Variants in PTPRN2 observed in about 807,000 individuals in gnomAD.
The protein encoded by PTPRN2 is protein tyrosine phosphatase receptor type N2.
In PTPRN2, 74 loss-of-function variants were observed where a neutral mutation model predicts 118.8. That is an observed-to-expected ratio of 0.62 (90% confidence interval 0.52 to 0.76). The LOEUF (loss-of-function observed/expected upper bound fraction) is 0.76, where lower values mean the gene tolerates loss of function less well. PTPRN2 is among the 30% of genes least tolerant of loss of function. The pLI, the probability that PTPRN2 is intolerant of heterozygous loss-of-function variation, is 0.00. For missense variants in PTPRN2, 1,481 were observed against 1,394.4 expected (o/e 1.06, Z -0.99); for synonymous variants, 641 against 608.0 (o/e 1.05, Z -0.80).
In PTPRN2 at chr7:157,861,005, C is replaced by T. The variant is rs550822307; in HGVS notation, c.1788+37668G>A. On this transcript the variant is annotated intron_variant, in intron 12 of 22. Transcript: ENST00000389418. The surrounding 1 kb of genome is among the most constrained non-coding windows in gnomAD (Gnocchi z 5.8). Reference sequence around the variant, plus strand: ...CAAGAAGAGGATAAAGAAATGTGGCCCAGTCCAGGGAGCTGTGGAGAGGTG... The same window carrying T: ...CAAGAAGAGGATAAAGAAATGTGGCTCAGTCCAGGGAGCTGTGGAGAGGTG... 2.6e-5 allele frequency among the ~76,000 whole-genome samples: 4 copies of T among 152,306 alleles called. No individual in the cohort carries two copies. The highest frequency in any genetic ancestry group is 2.1e-4 in the South Asian group (1 of 4,828).
At chr7:158,573,539 T>C in intron 1 of PTPRN2, among the ~76,000 whole-genome samples, 1 of 152,120 alleles carries the variant, frequency 6.6e-6, no homozygotes, top group Non-Finnish European at 1.5e-5. Flanking sequence ...TGGGGTTCTT[T>C]CCTTGAAAAT....
At chr7:157,902,019 C>G (rs1046294013) in intron 11 of PTPRN2, among the ~76,000 whole-genome samples, 5 of 152,236 alleles carry the variant, frequency 3.3e-5, no homozygotes, top group African/African-American at 1.2e-4. Flanking sequence ...TTCCTTGGTT[C>G]TGGAGTGCAC....
chr7:157,805,817 G>C (rs1205366222), intron 12 of PTPRN2, among the ~76,000 whole-genome samples: 16 of 152,222 alleles, frequency 1.1e-4, no homozygotes, highest in Non-Finnish European at 2.4e-4. Context: ...CCACCTTGGG[G>C]ACATGGAGTG....
At chr7:158,205,393 G>T in intron 3 of PTPRN2, 120 bp from the exon 4 acceptor site, 1 of 694,306 alleles carries the variant, frequency 1.4e-6, no homozygotes. Flanking sequence ...AGCAAAGTAA[G>T]CCTCCCTCTC....
chr7:157,673,413 G>T (rs1796506480), intron 13 of PTPRN2, among the ~76,000 whole-genome samples: 1 of 152,198 alleles, frequency 6.6e-6, no homozygotes, highest in Non-Finnish European at 1.5e-5. Flanking sequence ...AGAACAGCTG[G>T]CTGGATGAAG....
chr7:158,201,143 C>T (rs895338283), intron 4 of PTPRN2, among the ~76,000 whole-genome samples: 3 of 151,880 alleles, frequency 2.0e-5, no homozygotes, highest in African/African-American at 4.8e-5. Context: ...CTCAATCCCC[C>T]GGGCTCAGGT....
At chr7:158,085,239 CGACACCCATCCACACCCAT>C (rs1585384595) in intron 10 of PTPRN2, among the ~76,000 whole-genome samples, 3 of 132,664 alleles carry the variant, frequency 2.3e-5, no homozygotes, top group East Asian at 2.5e-4. Context: ...TCCACACCCA[CGACACCCATCCACACCCAT>C]GACACCCATC....
intron 12 of PTPRN2, among the ~76,000 whole-genome samples, chr7:157,851,465 C>T (rs1393170316): frequency 6.6e-6 from 1 of 152,186 alleles, no homozygotes; most frequent in East Asian, 1.9e-4. Flanking sequence ...GTGCATGGAA[C>T]AGCGACTTTG....
chr7:158,026,207 A>C (rs1280437344), intron 11 of PTPRN2, among the ~76,000 whole-genome samples: 3 of 152,268 alleles, frequency 2.0e-5, no homozygotes, highest in Non-Finnish European at 4.4e-5. Flanking sequence ...GTGCCTATTT[A>C]GGAAAAATTA....
chr7:158,322,233 A>G (rs558422901), intron 2 of PTPRN2, among the ~76,000 whole-genome samples: 1 of 152,242 alleles, frequency 6.6e-6, no homozygotes, highest in South Asian at 2.1e-4. Flanking sequence ...CAGCCGGGAG[A>G]CACGCACACA....
Position 157,615,984 on chromosome 7 carries a change from G to A in PTPRN2, c.2344+5378C>T. 4.3e-6 allele frequency: 1 copy of A among 234,710 alleles called. No homozygotes were observed. 14.5% of individuals were successfully genotyped at this position (234,710 alleles called of 1,614,324 possible). A position where few individuals can be genotyped will look rare whatever the true frequency, so the allele number is the denominator to read the frequency against. ...AGTGGGAGGCCTGATCCAGGAAGAAGCACACCGTGGCCTGGGGCCCCTCTG... is the reference window on the plus strand; with the variant it reads ...AGTGGGAGGCCTGATCCAGGAAGAAACACACCGTGGCCTGGGGCCCCTCTG... On this transcript the variant is annotated intron_variant, in intron 15 of 22. Transcript: ENST00000389418. This position sits in a 1 kb window ranked among gnomAD's most constrained non-coding sequence, Gnocchi z 4.3.
At chr7:158,126,545 G>A (rs1406922999) in intron 9 of PTPRN2, among the ~76,000 whole-genome samples, 1 of 83,150 alleles carries the variant, frequency 1.2e-5, no homozygotes, top group Non-Finnish European at 2.3e-5. Flanking sequence ...CGGAGAGCGG[G>A]CGGCGGAACT....
intron 2 of PTPRN2, among the ~76,000 whole-genome samples, chr7:158,430,776 C>T (rs1467151257): frequency 6.6e-6 from 1 of 152,218 alleles, no homozygotes; most frequent in African/African-American, 2.4e-5. Context: ...ACAGCTTGAA[C>T]CCAGCTCACC....
intron 6 of PTPRN2, among the ~76,000 whole-genome samples, chr7:158,150,304 A>G (rs1273780428): frequency 6.6e-6 from 1 of 152,246 alleles, no homozygotes; most frequent in Non-Finnish European, 1.5e-5. Flanking sequence ...AGGCTAACGT[A>G]ACCAGAACAT....
intron 2 of PTPRN2, among the ~76,000 whole-genome samples, chr7:158,324,290 A>G (rs538832940): frequency 1.1e-4 from 16 of 152,306 alleles, no homozygotes; most frequent in African/African-American, 3.8e-4. Flanking sequence ...AGCATCTGGT[A>G]CAGTGCCTTG....
rs1354534365 is a variant in PTPRN2 at position 157,701,482 on chromosome 7, TC to T, written c.1789-18546del. ...TTTCCATAGAATGTGGTCACAGGCATCGTGTGAGCACTGCCATTTCTGTGCT... is the reference window on the plus strand; with the variant it reads ...TTTCCATAGAATGTGGTCACAGGCATGTGTGAGCACTGCCATTTCTGTGCT... On this transcript the variant is annotated intron_variant, in intron 12 of 22. Transcript: ENST00000389418. Among the ~76,000 whole-genome samples, 5 of 152,348 alleles carry T rather than the reference TC, an allele frequency of 3.3e-5. No homozygotes were observed. In the East Asian group the frequency reaches 9.6e-4, roughly 29 times the overall value.
At chr7:158,445,205 G>A (rs912929860) in intron 2 of PTPRN2, among the ~76,000 whole-genome samples, 6 of 152,176 alleles carry the variant, frequency 3.9e-5, no homozygotes, top group Non-Finnish European at 7.4e-5. Context: ...CCCTGTCCCC[G>A]AGGCTGGCCA....
At chr7:158,073,234 T>C (rs1013027069) in intron 11 of PTPRN2, among the ~76,000 whole-genome samples, 1 of 152,210 alleles carries the variant, frequency 6.6e-6, no homozygotes, top group Non-Finnish European at 1.5e-5. Flanking sequence ...CTGATATTGG[T>C]AGAAGAACTC....
intron 11 of PTPRN2, among the ~76,000 whole-genome samples, chr7:157,922,440 G>A (rs1044128710): frequency 2.6e-5 from 4 of 152,126 alleles, no homozygotes; most frequent in African/African-American, 4.8e-5. Context: ...CCACACCTGC[G>A]GCAAAGCTGG....
Sources: gnomAD v4.1 joint callset for allele counts (sites outside exome capture counted in the v4.1 genomes callset) on GRCh38, gnomAD v4.1.1 for gene constraint, Gnocchi (gnomAD v3.1) non-coding constraint, MANE v1.5 for transcripts, NCBI Gene and HGNC (gene_info 2026-07-23, HGNC 2026-07-21) for gene names.